The following CCDC149 variants were observed in gnomAD, a reference collection of about 807,000 sequenced individuals.
CCDC149 encodes coiled-coil domain containing 149.
Under a neutral mutation model 59.9 loss-of-function variants are expected in CCDC149, and 45 were observed. The observed-to-expected ratio is 0.75, with a 90% CI of 0.59 to 0.96. CCDC149 has a LOEUF of 0.96. CCDC149 is among the 40% of genes least tolerant of loss of function. The pLI is 0.00. For missense variants in CCDC149, 584 were observed against 664.7 expected (o/e 0.88, Z 1.33); for synonymous variants, 245 against 260.6 (o/e 0.94, Z 0.58).
intron 1 of CCDC149, among the ~76,000 whole-genome samples, chr4:24,949,986 C>T (rs1723236861): frequency 6.6e-6 from 1 of 152,194 alleles, no homozygotes; most frequent in African/African-American, 2.4e-5. Context: ...ATAGGTTATG[C>T]CAAGGATCAG....
chr4:24,859,268 T>A (rs1718221836), intron 3 of CCDC149, among the ~76,000 whole-genome samples: 1 of 152,188 alleles, frequency 6.6e-6, no homozygotes, highest in Non-Finnish European at 1.5e-5. Context: ...AATATAAGTG[T>A]TCTGAGCATA....
At chr4:24,917,748 AG>A (rs1366723154), upstream of CCDC149, among the ~76,000 whole-genome samples, 1 of 152,174 alleles carries the variant, frequency 6.6e-6, no homozygotes, top group Non-Finnish European at 1.5e-5. Context: ...GAAAAGAGAC[AG>A]GAAAAGTCAT....
At chr4:24,870,399 T>C (rs939885129) in intron 3 of CCDC149, among the ~76,000 whole-genome samples, 8 of 152,186 alleles carry the variant, frequency 5.3e-5, no homozygotes, top group African/African-American at 1.2e-4. Flanking sequence ...AATTAATTCG[T>C]TTATTGTTCA....
intron 9 of CCDC149, chr4:24,831,293 T>C (rs1371755497): frequency 3.6e-6 from 2 of 555,416 alleles, no homozygotes; most frequent in Non-Finnish European, 6.5e-6. Context: ...GCATTCAGTA[T>C]GGCTGGTACC....
chr4:24,866,746 T>C (rs1382414149), intron 3 of CCDC149, among the ~76,000 whole-genome samples: 12 of 148,138 alleles, frequency 8.1e-5, no homozygotes, highest in South Asian at 2.1e-4. Flanking sequence ...GAACTACAAA[T>C]GTAAAAGTTC....
intron 1 of CCDC149, among the ~76,000 whole-genome samples, chr4:24,922,928 T>A (rs572484568): frequency 2.9e-4 from 44 of 152,256 alleles, no homozygotes; most frequent in East Asian, 7.7e-4. Flanking sequence ...CTTTTTTTTT[T>A]ATTGATTTTC....
chr4:24,883,316 T>G (rs1225226366), intron 1 of CCDC149, among the ~76,000 whole-genome samples: 1 of 152,028 alleles, frequency 6.6e-6, no homozygotes, highest in Non-Finnish European at 1.5e-5. Flanking sequence ...TCTATAGGAA[T>G]AAACACACAC....
At chr4:24,899,627 A>G (rs1437313453) in intron 1 of CCDC149, among the ~76,000 whole-genome samples, 2 of 152,114 alleles carry the variant, frequency 1.3e-5, no homozygotes, top group African/African-American at 4.8e-5. Flanking sequence ...GGGCAAAGGG[A>G]CAGACAGACA....
intron 3 of CCDC149, among the ~76,000 whole-genome samples, chr4:24,866,564 C>T (rs1577427193): frequency 6.6e-6 from 1 of 152,156 alleles, no homozygotes; most frequent in South Asian, 2.1e-4. Context: ...ACACTTCTGC[C>T]TGAAGTCACA....
intron 11 of CCDC149, among the ~76,000 whole-genome samples, chr4:24,820,521 G>A (rs1411070763): frequency 1.3e-5 from 2 of 152,072 alleles, no homozygotes; most frequent in Non-Finnish European, 2.9e-5. Context: ...AAGAGGAAGA[G>A]GAGGAGGAGG....
intron 12 of CCDC149, among the ~76,000 whole-genome samples, chr4:24,814,100 A>G (rs1714850417): frequency 6.6e-6 from 1 of 152,256 alleles, no homozygotes; most frequent in Admixed American, 6.5e-5. Context: ...TTCCAGGGAC[A>G]GAATTTTGAC....
intron 1 of CCDC149, among the ~76,000 whole-genome samples, chr4:24,971,322 C>G (rs1420739086): frequency 6.6e-6 from 1 of 152,152 alleles, no homozygotes; most frequent in East Asian, 1.9e-4. Flanking sequence ...GGGCTTGTGT[C>G]CTTGCCCGGG....
Position 24,807,844 on chromosome 4 carries a change from G to C in CCDC149, c.*545C>G, listed in dbSNP as rs1714307518. On this transcript the variant is annotated 3_prime_UTR_variant, in exon 13 of 13. Coordinates refer to ENST00000635206, the MANE Select transcript of CCDC149 (RefSeq NM_001330643.2). ...GTCTGTACCACGACAGCAGTGCTGTGGGCACAATGCCAAGCACACCCATGC... is the reference window on the plus strand; with the variant it reads ...GTCTGTACCACGACAGCAGTGCTGTCGGCACAATGCCAAGCACACCCATGC... The C allele has an allele frequency of 6.6e-6, 1 of 152,268 alleles. No individual in the cohort carries two copies. The highest frequency in any genetic ancestry group is 2.1e-4 in the South Asian group (1 of 4,826). 9.4% of individuals were successfully genotyped at this position (152,268 alleles called of 1,614,324 possible). A position where few individuals can be genotyped will look rare whatever the true frequency, so the allele number is the denominator to read the frequency against.
chr4:24,942,694 C>G (rs931448121), intron 1 of CCDC149, among the ~76,000 whole-genome samples: 1 of 152,208 alleles, frequency 6.6e-6, no homozygotes, highest in African/African-American at 2.4e-5. Context: ...GCAACTTCAG[C>G]AAAGGCTCAG....
At chr4:24,956,477 A>T (rs1195014746) in intron 1 of CCDC149, among the ~76,000 whole-genome samples, 2 of 152,088 alleles carry the variant, frequency 1.3e-5, no homozygotes, top group Admixed American at 1.3e-4. Flanking sequence ...ATTAATATAA[A>T]TTACTTTAGT....
intron 3 of CCDC149, 77 bp from the exon 4 acceptor site, chr4:24,853,256 G>A (rs1321757423): frequency 3.7e-6 from 4 of 1,079,900 alleles, no homozygotes; most frequent in Non-Finnish European, 5.7e-6. Flanking sequence ...TGGGCTTGTG[G>A]ATGCTGGTGT....
rs191812900 is a variant in CCDC149, at chr4:24,974,060, A to T, written c.-65+6009T>A. 1.4e-4 allele frequency among the ~76,000 whole-genome samples: 21 copies of T among 152,354 alleles called. No individual in the cohort carries two copies. The East Asian group carries it at 4.1e-3, about 29-fold the overall frequency. On this transcript the variant is annotated intron_variant, in intron 1 of 12. Transcript: ENST00000389609. Reference sequence around the variant, plus strand: ...GTGGCAAATAAAGTGGTGCGCAAATAAACAAACGCCTGGAACAAATCCTGC... The same window carrying T: ...GTGGCAAATAAAGTGGTGCGCAAATTAACAAACGCCTGGAACAAATCCTGC...
intron 1 of CCDC149, among the ~76,000 whole-genome samples, chr4:24,903,152 A>T (rs1209402956): frequency 6.6e-6 from 1 of 151,546 alleles, no homozygotes; most frequent in Non-Finnish European, 1.5e-5. Context: ...CTTTTTAAGA[A>T]GCCAGACATT....
chr4:24,842,505 A>G (rs1716998195), intron 4 of CCDC149, among the ~76,000 whole-genome samples: 1 of 152,228 alleles, frequency 6.6e-6, no homozygotes, highest in Non-Finnish European at 1.5e-5. Flanking sequence ...TCCCTGTGCC[A>G]ACCCACAAAG....
Sources: gnomAD v4.1 joint callset for allele counts (sites outside exome capture counted in the v4.1 genomes callset) on GRCh38, gnomAD v4.1.1 for gene constraint, MANE v1.5 for transcripts, NCBI Gene and HGNC (gene_info 2026-07-23, HGNC 2026-07-21) for gene names.